BICC1: variants seen among roughly 807,000 people sequenced by gnomAD.
BICC1 encodes the protein BicC family RNA binding protein 1.
In BICC1, 43 loss-of-function variants were observed where a neutral mutation model predicts 111.0. The observed-to-expected ratio is 0.39, with a 90% confidence interval of 0.30 to 0.50. BICC1 has a LOEUF of 0.50. Among genes scored for constraint, BICC1 ranks in the 20% least tolerant of loss-of-function variants. BICC1 has a pLI of 0.88. For missense variants in BICC1, 1,091 were observed against 1,203.2 expected (o/e 0.91, Z 1.38); for synonymous variants, 467 against 434.4 (o/e 1.07, Z -0.93).
chr10:58,651,758 C>T (rs1838456577), intron 2 of BICC1, among the ~76,000 whole-genome samples: 1 of 152,054 alleles, frequency 6.6e-6, no homozygotes, highest in Non-Finnish European at 1.5e-5. Context: ...TAACCTGCTA[C>T]ATAAAATAGT....
chr10:58,814,326 T>C (rs1844015571), intron 18 of BICC1: 2 of 583,368 alleles, frequency 3.4e-6, no homozygotes, highest in Admixed American at 6.2e-5. Context: ...ATGTGTCAAG[T>C]ATTCTGTTAT....
chr10:58,578,091 T>C (rs978370076), intron 1 of BICC1, among the ~76,000 whole-genome samples: 4 of 152,214 alleles, frequency 2.6e-5, no homozygotes, highest in Admixed American at 6.5e-5. Flanking sequence ...AAAATACTTA[T>C]GGACCTGTAA....
At chr10:58,743,129 C>T (rs1055379874) in intron 3 of BICC1, among the ~76,000 whole-genome samples, 4 of 152,016 alleles carry the variant, frequency 2.6e-5, no homozygotes, top group African/African-American at 4.8e-5. Context: ...GGTGGTTGTT[C>T]GGGAAAGTCA....
chr10:58,793,418 T>A (rs1843241564), intron 8 of BICC1, 66 bp from the exon 9 acceptor site: 5 of 1,423,676 alleles, frequency 3.5e-6, no homozygotes, highest in Non-Finnish European at 3.9e-6. Context: ...GCAGGCATGT[T>A]AAATTATCAG....
intron 2 of BICC1, among the ~76,000 whole-genome samples, chr10:58,667,834 C>G (rs1305936275): frequency 6.6e-6 from 1 of 152,046 alleles, no homozygotes; most frequent in Non-Finnish European, 1.5e-5. Flanking sequence ...ATGCTCCTAA[C>G]TCATAGCTAG....
chr10:58,779,428 G>C (rs1458059512), intron 3 of BICC1, among the ~76,000 whole-genome samples: 2 of 152,358 alleles, frequency 1.3e-5, no homozygotes, highest in East Asian at 3.9e-4. Context: ...AAAGCCAGTT[G>C]TAGATATGTC....
chr10:58,552,737 T>C (rs1394058821), intron 1 of BICC1, among the ~76,000 whole-genome samples: 1 of 152,184 alleles, frequency 6.6e-6, no homozygotes, highest in Non-Finnish European at 1.5e-5. Flanking sequence ...AGCCAAGTGA[T>C]CTTAGGAAAG....
chr10:58,621,192 A>G (rs957010364), intron 2 of BICC1, among the ~76,000 whole-genome samples: 2 of 152,214 alleles, frequency 1.3e-5, no homozygotes, highest in African/African-American at 4.8e-5. Flanking sequence ...TTCACACTTC[A>G]TTTGGCTGGC....
At position 58,658,903 on chromosome 10, in the gene BICC1, C is replaced by T. The variant is rs150135579; in HGVS notation, c.237+38002C>T. Among the ~76,000 whole-genome samples, 13 of 152,180 alleles carry T rather than the reference C, an allele frequency of 8.5e-5. No homozygotes were observed. In the East Asian group the frequency reaches 2.5e-3, roughly 30 times the overall value. ...TGGCAACAAGAAGTCATGATCTGGGCCTCAGTGGGTTAATTGGCACTAGAG... is the reference window on the plus strand; with the variant it reads ...TGGCAACAAGAAGTCATGATCTGGGTCTCAGTGGGTTAATTGGCACTAGAG... On this transcript the variant is annotated intron_variant, in intron 2 of 20. Transcript: ENST00000373886.
chr10:58,610,158 G>T (rs1439231525), intron 1 of BICC1, among the ~76,000 whole-genome samples: 7 of 152,186 alleles, frequency 4.6e-5, no homozygotes, highest in Non-Finnish European at 1.0e-4. Context: ...AAAGCAGTGA[G>T]TAATGTAGAT....
At chr10:58,788,686 A>T (rs1196423497) in intron 6 of BICC1, among the ~76,000 whole-genome samples, 1 of 152,194 alleles carries the variant, frequency 6.6e-6, no homozygotes, top group East Asian at 1.9e-4. Flanking sequence ...TATCTGACTC[A>T]GTTTTTCTAG....
intron 2 of BICC1, among the ~76,000 whole-genome samples, chr10:58,633,262 A>G (rs1321757657): frequency 3.9e-5 from 6 of 152,204 alleles, no homozygotes; most frequent in African/African-American, 9.6e-5. Flanking sequence ...CTGTGAGCCA[A>G]TTAAACCTCT....
chr10:58,775,340 C>CTCCA (rs1276891419), intron 3 of BICC1, among the ~76,000 whole-genome samples: 1 of 151,736 alleles, frequency 6.6e-6, no homozygotes, highest in Non-Finnish European at 1.5e-5. Context: ...TGCCACTGCA[C>CTCCA]TCCAGCCTGG....
chr10:58,681,007 T>C (rs533728815), intron 2 of BICC1, among the ~76,000 whole-genome samples: 8 of 152,328 alleles, frequency 5.3e-5, no homozygotes, highest in African/African-American at 1.9e-4. Flanking sequence ...CCTTACACCT[T>C]ATGCAAAAAT....
At chr10:58,824,825 CA>C (rs923976357) in intron 20 of BICC1, among the ~76,000 whole-genome samples, 4 of 152,106 alleles carry the variant, frequency 2.6e-5, no homozygotes, top group Non-Finnish European at 5.9e-5. Context: ...TGTTTGGTAT[CA>C]AAACCCTAAT....
At chr10:58,778,608 G>A (rs1475374797) in intron 3 of BICC1, among the ~76,000 whole-genome samples, 1 of 152,154 alleles carries the variant, frequency 6.6e-6, no homozygotes, top group Admixed American at 6.5e-5. Flanking sequence ...TGAGGAAGAA[G>A]AATGAGGGGG....
chr10:58,530,782 G>A (rs1589067499), intron 1 of BICC1, among the ~76,000 whole-genome samples: 1 of 151,256 alleles, frequency 6.6e-6, no homozygotes, highest in East Asian at 2.0e-4. Context: ...CTTCCTTACT[G>A]TAAATTCTTC....
chr10:58,615,976 G>T (rs1845589915), intron 1 of BICC1, among the ~76,000 whole-genome samples: 1 of 152,172 alleles, frequency 6.6e-6, no homozygotes, highest in South Asian at 2.1e-4. Context: ...AGTCCCTGAG[G>T]GATGCAGCAG....
At chr10:58,769,746 G>C (rs1282387452) in intron 3 of BICC1, among the ~76,000 whole-genome samples, 1 of 151,644 alleles carries the variant, frequency 6.6e-6, no homozygotes, top group African/African-American at 2.4e-5. Context: ...TTTCTTTTGA[G>C]ATTCTACTGT....
Sources: gnomAD v4.1 joint callset for allele counts (sites outside exome capture counted in the v4.1 genomes callset) on GRCh38, gnomAD v4.1.1 for gene constraint, MANE v1.5 for transcripts, NCBI Gene and HGNC (gene_info 2026-07-23, HGNC 2026-07-21) for gene names.